Variants in EVI5 observed in about 807,000 individuals in gnomAD.
EVI5 encodes the protein ecotropic viral integration site 5.
In EVI5, 73 loss-of-function variants were observed where a neutral mutation model predicts 112.0. The observed-to-expected ratio is 0.65, with a 90% CI of 0.54 to 0.79. The LOEUF is 0.79. Ranked by LOEUF, EVI5 falls within the 30% of genes least tolerant of loss-of-function variation. EVI5 has a pLI of 0.00. For synonymous variants in EVI5, 305 were observed against 319.9 expected, an observed-to-expected ratio of 0.95 and a Z score of 0.50; for missense variants, 900 against 968.8, an observed-to-expected ratio of 0.93 and a Z score of 0.94.
chr1:92,667,220 G>T (rs61800482), intron 10 of EVI5, among the ~76,000 whole-genome samples: 45 of 152,220 alleles, frequency 3.0e-4, no homozygotes, highest in Admixed American at 1.5e-3. Flanking sequence ...GGAAGTGGAG[G>T]TTGCAGTGAG....
At chr1:92,520,255 C>T (rs1660670099) in intron 19 of EVI5, among the ~76,000 whole-genome samples, 1 of 152,040 alleles carries the variant, frequency 6.6e-6, no homozygotes, top group Non-Finnish European at 1.5e-5. Context: ...CCTCATAACA[C>T]CATCTTGGAA....
chr1:92,747,758 T>G (rs1415912955), intron 1 of EVI5, among the ~76,000 whole-genome samples: 1 of 150,258 alleles, frequency 6.7e-6, no homozygotes, highest in Non-Finnish European at 1.5e-5. Flanking sequence ...AAATGTATTG[T>G]CTCACAGTTC....
rs1260416425 is a variant in EVI5, at chr1:92,628,117, C to A, written c.1528-2183G>T. 4.4e-4 allele frequency among the ~76,000 whole-genome samples: 67 copies of A among 152,116 alleles called. 1 individual carries two copies. Among genetic ancestry groups the A allele is most frequent in the Admixed American group, 4.2e-3 (64 of 15,262 alleles). ...TTTAGTACATTTTCATGTTTGTTGG[C>A]CATTTGTATATCTTCTTTTGAGAAT... On this transcript the variant is annotated intron_variant, in intron 14 of 19. Coordinates refer to ENST00000684568, the MANE Select transcript of EVI5 (RefSeq NM_001350197.2).
Position 92,589,813 on chromosome 1 carries a change from C to T in EVI5, c.2070+15494G>A, listed in dbSNP as rs1363725217. ...TTGAGATCTGAGAACCGACAGACTG[C>T]CTCCTCAAGTGGGGCCCTGACCCCT... On this transcript the variant is annotated intron_variant, in intron 18 of 19. Coordinates refer to ENST00000684568, the MANE Select transcript of EVI5 (RefSeq NM_001350197.2). 2.0e-5 allele frequency among the ~76,000 whole-genome samples: 3 copies of T among 152,200 alleles called. No individual in the cohort carries two copies. In the East Asian group the frequency reaches 5.8e-4, roughly 29 times the overall value.
At chr1:92,756,561 T>C (rs901212481) in intron 1 of EVI5, 4 of 517,114 alleles carry the variant, frequency 7.7e-6, no homozygotes, top group South Asian at 2.9e-5. Flanking sequence ...CTGCTCATGA[T>C]AATGATGTGA....
chr1:92,753,848 G>A (rs1325519848), intron 1 of EVI5, among the ~76,000 whole-genome samples: 3 of 152,124 alleles, frequency 2.0e-5, no homozygotes. Context: ...GTTAAGTACT[G>A]TCTCTTGCTA....
intron 18 of EVI5, among the ~76,000 whole-genome samples, chr1:92,586,612 G>A (rs868077306): frequency 8.2e-6 from 1 of 122,258 alleles, no homozygotes; most frequent in Non-Finnish European, 1.6e-5. Flanking sequence ...TTGGCTGTGT[G>A]TGTGTGTGTG....
chr1:92,661,519 T>C (rs1182817324), intron 13 of EVI5, among the ~76,000 whole-genome samples: 1 of 152,166 alleles, frequency 6.6e-6, no homozygotes, highest in Non-Finnish European at 1.5e-5. Flanking sequence ...GAAAATCACA[T>C]TGAAGTAACT....
At chr1:92,557,761 G>T (rs1316553306) in intron 19 of EVI5, among the ~76,000 whole-genome samples, 4 of 150,524 alleles carry the variant, frequency 2.7e-5, no homozygotes, top group African/African-American at 9.8e-5. Context: ...ATCTCACTGT[G>T]TCGCCCAGGC....
At chr1:92,774,480 A>G (rs192106865) in intron 1 of EVI5, among the ~76,000 whole-genome samples, 6 of 152,342 alleles carry the variant, frequency 3.9e-5, no homozygotes, top group African/African-American at 1.4e-4. Context: ...CAACTCAGAC[A>G]AAATCCCCAT....
At chr1:92,657,018 T>A (rs1032473825) in intron 13 of EVI5, among the ~76,000 whole-genome samples, 4 of 151,854 alleles carry the variant, frequency 2.6e-5, no homozygotes, top group Non-Finnish European at 5.9e-5. Flanking sequence ...GAGGGACTCC[T>A]CCTTAACTCA....
chr1:92,771,968 C>T (rs149744976), intron 1 of EVI5, among the ~76,000 whole-genome samples: 2,252 of 152,118 alleles, frequency 0.015, 66 homozygotes, highest in African/African-American at 0.05. Flanking sequence ...AATTCTCCTG[C>T]CTCACCCTCC....
At chr1:92,631,116 T>TGGAG (rs1223855587) in intron 14 of EVI5, among the ~76,000 whole-genome samples, 5 of 152,138 alleles carry the variant, frequency 3.3e-5, no homozygotes, top group Admixed American at 6.5e-5. Context: ...GGTAGTGTGA[T>TGGAG]GCCTCCAGCT....
chr1:92,628,175 G>A (rs534769430), intron 14 of EVI5, among the ~76,000 whole-genome samples: 1 of 152,292 alleles, frequency 6.6e-6, no homozygotes, highest in Admixed American at 6.5e-5. Flanking sequence ...ACTTTTTGAT[G>A]AGATTGTTTT....
chr1:92,615,396 G>A (rs760814347), intron 16 of EVI5, among the ~76,000 whole-genome samples: 2 of 152,156 alleles, frequency 1.3e-5, no homozygotes, highest in East Asian at 1.9e-4. Flanking sequence ...CTCTTCATGC[G>A]AGTGGCTGAC....
intron 19 of EVI5, among the ~76,000 whole-genome samples, chr1:92,555,430 T>C (rs1368934334): frequency 6.6e-6 from 1 of 152,230 alleles, no homozygotes; most frequent in African/African-American, 2.4e-5. Context: ...AAGTAGACTA[T>C]TGTTATCAAT....
At chr1:92,653,141 G>A (rs1469644016) in intron 13 of EVI5, among the ~76,000 whole-genome samples, 1 of 152,130 alleles carries the variant, frequency 6.6e-6, no homozygotes, top group Non-Finnish European at 1.5e-5. Context: ...GCTATACTGG[G>A]AGCACAGCCA....
At chr1:92,655,751 C>T (rs926885666) in intron 13 of EVI5, among the ~76,000 whole-genome samples, 5 of 151,978 alleles carry the variant, frequency 3.3e-5, no homozygotes, top group East Asian at 1.9e-4. Flanking sequence ...AAAATGATAA[C>T]GGGATAAAGT....
intron 16 of EVI5, among the ~76,000 whole-genome samples, chr1:92,620,831 C>T (rs1194767285): frequency 6.6e-6 from 1 of 152,018 alleles, no homozygotes; most frequent in Non-Finnish European, 1.5e-5. Context: ...GAAGGAAAAA[C>T]ACATTTCATT....
Sources: gnomAD v4.1 joint callset for allele counts (sites outside exome capture counted in the v4.1 genomes callset) on GRCh38, gnomAD v4.1.1 for gene constraint, MANE v1.5 for transcripts, NCBI Gene and HGNC (gene_info 2026-07-23, HGNC 2026-07-21) for gene names.